The following CNTNAP2 variants were observed in gnomAD, a reference collection of about 807,000 sequenced individuals.
CNTNAP2 encodes the protein contactin associated protein 2.
A neutral mutation model predicts 155.2 loss-of-function variants in CNTNAP2; 98 were observed. The observed-to-expected ratio is 0.63, with a 90% CI of 0.54 to 0.75. CNTNAP2 has a LOEUF of 0.75. CNTNAP2 is among the 30% of genes least tolerant of loss of function. The probability of loss-of-function intolerance (pLI) is 0.00; values close to 1 mark genes in which losing one functional copy is unlikely to be tolerated. For missense variants in CNTNAP2, 1,727 were observed against 1,688.1 expected, an observed-to-expected ratio of 1.02 and a Z score of -0.40; for synonymous variants, 651 against 631.2, an observed-to-expected ratio of 1.03 and a Z score of -0.47.
chr7:146,978,853 A>T (rs1001851716), intron 3 of CNTNAP2, among the ~76,000 whole-genome samples: 30 of 152,136 alleles, frequency 2.0e-4, no homozygotes, highest in African/African-American at 7.2e-4. Context: ...TGCATTGGGG[A>T]AAATGAATGA....
intron 8 of CNTNAP2, among the ~76,000 whole-genome samples, chr7:147,164,678 G>T (rs926293655): frequency 6.6e-6 from 1 of 152,170 alleles, no homozygotes; most frequent in African/African-American, 2.4e-5. Flanking sequence ...AGTCAAGAGG[G>T]ATTAAGAGGT....
intron 1 of CNTNAP2, among the ~76,000 whole-genome samples, chr7:146,361,525 A>G (rs1185748783): frequency 6.6e-6 from 1 of 152,166 alleles, no homozygotes; most frequent in Non-Finnish European, 1.5e-5. Context: ...GTATGAGGTA[A>G]ATTAACTCTT....
At chr7:147,609,669 G>A (rs1443701367) in intron 12 of CNTNAP2, among the ~76,000 whole-genome samples, 1 of 152,076 alleles carries the variant, frequency 6.6e-6, no homozygotes, top group Non-Finnish European at 1.5e-5. Context: ...GGGGTGGGAA[G>A]ACTTTCCTTT....
chr7:146,581,480 A>G (rs1311507722), intron 1 of CNTNAP2, among the ~76,000 whole-genome samples: 1 of 152,142 alleles, frequency 6.6e-6, no homozygotes, highest in Non-Finnish European at 1.5e-5. Context: ...TATGAAAACA[A>G]TAATATTTTA....
intron 1 of CNTNAP2, among the ~76,000 whole-genome samples, chr7:146,622,168 C>T (rs377122141): frequency 6.8e-6 from 1 of 147,526 alleles, no homozygotes; most frequent in East Asian, 2.0e-4. Flanking sequence ...TATATACACA[C>T]ACGTATATAT....
At chr7:147,963,347 C>T (rs1801145119) in intron 14 of CNTNAP2, among the ~76,000 whole-genome samples, 1 of 152,110 alleles carries the variant, frequency 6.6e-6, no homozygotes, top group Non-Finnish European at 1.5e-5. Flanking sequence ...ATGGGAAATA[C>T]AGTTCTGTTA....
At chr7:148,325,311 G>A (rs1197485639) in intron 21 of CNTNAP2, among the ~76,000 whole-genome samples, 1 of 152,208 alleles carries the variant, frequency 6.6e-6, no homozygotes, top group African/African-American at 2.4e-5. Context: ...AAGAGTAGAT[G>A]ATAAAGACCT....
At chr7:146,280,728 A>T (rs1800238158) in intron 1 of CNTNAP2, among the ~76,000 whole-genome samples, 1 of 152,166 alleles carries the variant, frequency 6.6e-6, no homozygotes, top group Non-Finnish European at 1.5e-5. Context: ...TCAGGCATAG[A>T]CATTTTCAAA....
At chr7:147,777,042 G>A (rs1455782799) in intron 13 of CNTNAP2, among the ~76,000 whole-genome samples, 4 of 151,636 alleles carry the variant, frequency 2.6e-5, no homozygotes, top group Non-Finnish European at 5.9e-5. Flanking sequence ...AAAATTTTTA[G>A]GTTAAGAATA....
At chr7:146,497,397 C>T (rs1274456844) in intron 1 of CNTNAP2, among the ~76,000 whole-genome samples, 1 of 152,038 alleles carries the variant, frequency 6.6e-6, no homozygotes, top group African/African-American at 2.4e-5. Context: ...GAAATGTATA[C>T]TTTACCGTTT....
intron 1 of CNTNAP2, among the ~76,000 whole-genome samples, chr7:146,283,079 G>A (rs1030855645): frequency 3.3e-5 from 5 of 152,102 alleles, no homozygotes; most frequent in Non-Finnish European, 7.4e-5. Context: ...GAATGTTTAC[G>A]TAACCTTTTA....
intron 1 of CNTNAP2, among the ~76,000 whole-genome samples, chr7:146,586,107 T>C (rs1470108879): frequency 1.3e-5 from 2 of 152,190 alleles, no homozygotes; most frequent in African/African-American, 2.4e-5. Context: ...TTAAACAATA[T>C]GCTTTAATAA....
chr7:147,819,822 G>A (rs1172325360), intron 13 of CNTNAP2, among the ~76,000 whole-genome samples: 1 of 152,066 alleles, frequency 6.6e-6, no homozygotes, highest in Non-Finnish European at 1.5e-5. Flanking sequence ...CTGACTTTCT[G>A]CATCAGAAAA....
At chr7:147,187,133 G>A (rs974694980) in intron 8 of CNTNAP2, among the ~76,000 whole-genome samples, 2 of 152,150 alleles carry the variant, frequency 1.3e-5, no homozygotes, top group African/African-American at 4.8e-5. Context: ...GAGAAAGAAT[G>A]AACATGGAGA....
intron 9 of CNTNAP2, among the ~76,000 whole-genome samples, chr7:147,338,221 G>A (rs1371413427): frequency 1.3e-5 from 2 of 152,096 alleles, no homozygotes; most frequent in African/African-American, 2.4e-5. Context: ...GAAATGCCAG[G>A]TGCTTATAAC....
intron 16 of CNTNAP2, among the ~76,000 whole-genome samples, chr7:148,146,324 C>T (rs914624046): frequency 6.6e-6 from 1 of 152,194 alleles, no homozygotes; most frequent in Admixed American, 6.5e-5. Flanking sequence ...GAGCTGAAGA[C>T]GTGTGTGCTG....
intron 2 of CNTNAP2, among the ~76,000 whole-genome samples, chr7:146,792,600 T>A (rs2129189388): frequency 6.6e-6 from 1 of 152,284 alleles, no homozygotes; most frequent in South Asian, 2.1e-4. Flanking sequence ...AAGCATGCAT[T>A]GAGCTAAGCA....
At chr7:146,689,252 C>T (rs1800656708) in intron 1 of CNTNAP2, among the ~76,000 whole-genome samples, 1 of 151,974 alleles carries the variant, frequency 6.6e-6, no homozygotes, top group African/African-American at 2.4e-5. Flanking sequence ...GATCAAAATG[C>T]CTACCCTGTC....
chr7:148,151,000 A>G (rs557709995), intron 17 of CNTNAP2, among the ~76,000 whole-genome samples: 3 of 151,924 alleles, frequency 2.0e-5, no homozygotes, highest in Non-Finnish European at 2.9e-5. Flanking sequence ...AATTACAGGC[A>G]TGAGCCACCA....
Sources: allele counts gnomAD v4.1 joint callset (sites outside exome capture counted in the v4.1 genomes callset), GRCh38; gene constraint gnomAD v4.1.1; transcripts MANE v1.5; gene names NCBI Gene and HGNC (gene_info 2026-07-23, HGNC 2026-07-21).